The following DENND2D variants were observed in gnomAD, a reference collection of about 807,000 sequenced individuals.
DENND2D encodes the protein DENN domain-containing protein 2D.
A neutral mutation model predicts 59.8 loss-of-function variants in DENND2D; 37 were observed. The ratio of observed to expected loss-of-function variants is 0.62; its 90% CI spans 0.48 to 0.81. The LOEUF (loss-of-function observed/expected upper bound fraction) is 0.81. Ranked by LOEUF, DENND2D falls within the 40% of genes least tolerant of loss-of-function variation. The pLI, the probability that DENND2D is intolerant of heterozygous loss-of-function variation, is 0.00. For synonymous variants in DENND2D, 219 were observed against 211.3 expected (o/e 1.04, Z -0.31); for missense variants, 525 against 579.7 (o/e 0.91, Z 0.97).
intron 2 of DENND2D, 104 bp from the exon 3 acceptor site, chr1:111,198,846 AG>A (rs1658514829): frequency 8.6e-7 from 1 of 1,162,188 alleles, no homozygotes. Context: ...AAAGCAGTCT[AG>A]GGTTAAGCTT....
upstream of DENND2D, chr1:111,204,394 G>A: frequency 7.4e-7 from 1 of 1,356,822 alleles, no homozygotes; most frequent in Non-Finnish European, 9.4e-7. Context: ...GCTCCGCGCT[G>A]GCCCCGCCCC....
intron 3 of DENND2D, 41 bp downstream of exon 3, chr1:111,198,589 C>T: frequency 6.3e-7 from 1 of 1,594,736 alleles, no homozygotes; most frequent in Non-Finnish European, 8.6e-7. Context: ...CATGTTCCTT[C>T]TCCCCAAATC....
chr1:111,198,019 TA>T (rs755709436), intron 3 of DENND2D, 30 bp from the exon 4 acceptor site: 2 of 1,607,374 alleles, frequency 1.2e-6, no homozygotes, highest in East Asian at 4.5e-5. Context: ...GCTTGATTTG[TA>T]TTGCTCACTG....
At position 111,197,997 on chromosome 1, in the gene DENND2D, A is replaced by G; in HGVS notation, c.357-8T>C. On this transcript the variant is annotated splice_region_variant and splice_polypyrimidine_tract_variant and intron_variant, in intron 3 of 11. Transcript: ENST00000357640. ...ACGAAGGAGAAGGTCTCCCTAAGAA[A>G]GAGCAGACAAGGCTTGATTTGTATT... 1 of 1,613,688 alleles carries G rather than the reference A, an allele frequency of 6.2e-7. No homozygotes were observed. The highest frequency in any genetic ancestry group is 8.5e-7 in the Non-Finnish European group (1 of 1,179,722).
At chr1:111,190,344 C>T (rs1186478590) in intron 8 of DENND2D, among the ~76,000 whole-genome samples, 1 of 152,130 alleles carries the variant, frequency 6.6e-6, no homozygotes, top group Non-Finnish European at 1.5e-5. Context: ...TGAGTTTTAG[C>T]ACTGGCCCCA....
rs949986865 is a variant in DENND2D at position 111,198,322 on chromosome 1, C to T, written c.356+308G>A. Among the ~76,000 whole-genome samples the T allele has an allele frequency of 2.6e-5, 4 of 152,184 alleles. No homozygotes were observed. The East Asian group carries it at 5.8e-4, about 22-fold the overall frequency. On this transcript the variant is annotated intron_variant, in intron 3 of 11. Coordinates refer to ENST00000357640, the MANE Select transcript of DENND2D (RefSeq NM_024901.5). ...CATGCTAGAAGGGCCTTTGCTACGT[C>T]GCCTTCTTGGAGGCTAACTGCTTTC...
intron 8 of DENND2D, among the ~76,000 whole-genome samples, chr1:111,191,842 C>A (rs1054397506): frequency 6.6e-6 from 1 of 152,204 alleles, no homozygotes; most frequent in Non-Finnish European, 1.5e-5. Context: ...ACAGTCTGCT[C>A]ACCCCTGAAT....
intron 7 of DENND2D, among the ~76,000 whole-genome samples, chr1:111,193,245 C>T (rs1280672336): frequency 4.6e-5 from 7 of 152,196 alleles, no homozygotes; most frequent in African/African-American, 1.7e-4. Flanking sequence ...CTCTGAGAGG[C>T]TAGCTGACTG....
intron 6 of DENND2D, chr1:111,195,408 T>G (rs972508370): frequency 1.3e-5 from 2 of 158,204 alleles, no homozygotes; most frequent in Admixed American, 1.2e-4. Context: ...CACAGACTAT[T>G]CAGAGTTCCA....
chr1:111,192,236 A>G lies in DENND2D; in HGVS notation c.876T>C (p.Pro292=). ...AGCAGACGGTGGCCAGAAGGCTCTC[A>G]GGGACAACAGGGATGTAGGTGTGCG... ...SWAHTYIPVV[P]ESLLATVCCP... Residue 292 remains proline (P), a synonymous_variant, in exon 8 of 12, where the codon CCT becomes CCC. Transcript: ENST00000357640. 1 of 1,614,014 alleles carries G rather than the reference A, an allele frequency of 6.2e-7. No homozygotes were observed. The highest frequency in any genetic ancestry group is 8.5e-7 in the Non-Finnish European group (1 of 1,179,960).
At chr1:111,198,817 G>T (rs1172439054) in intron 2 of DENND2D, 75 bp from the exon 3 acceptor site, 1 of 1,513,336 alleles carries the variant, frequency 6.6e-7, no homozygotes, top group Admixed American at 1.8e-5. Flanking sequence ...CAGAGCTGGT[G>T]GGCTTCCTTT....
Position 111,192,177 on chromosome 1 carries a change from C to T in DENND2D, c.935G>A (p.Arg312His), listed in dbSNP as rs764772273. Residue 312 changes from arginine (R) to histidine (H), a missense_variant, in exon 8 of 12, where the codon CGC becomes CAC. By Grantham distance (29) the Arg-to-His change is conservative (BLOSUM62 0). Around this residue, in one of 3 missense-constraint regions of DENND2D, gnomAD observed 225 missense variants for 252.4 expected, o/e 0.89. Coordinates refer to ENST00000357640, the MANE Select transcript of DENND2D (RefSeq NM_024901.5). ...PTPFMVGVQM[R>H]FQQEVMDSPM... is the part of the protein sequence containing the mutation. ...GCTGTCCATGACCTCCTGCTGGAAG[C>T]GCATTTGTACTCCAACCATGAAGGG... 3.7e-6 allele frequency: 6 copies of T among 1,612,464 alleles called. No homozygotes were observed. The highest frequency in any genetic ancestry group is 2.2e-5 in the South Asian group (2 of 90,840).
intron 8 of DENND2D, among the ~76,000 whole-genome samples, chr1:111,189,794 C>T (rs777664502): frequency 6.6e-6 from 1 of 152,210 alleles, no homozygotes; most frequent in African/African-American, 2.4e-5. Flanking sequence ...TCCCCTTCAA[C>T]TCCCTGCTCT....
At chr1:111,189,746 G>C (rs1026072748) in intron 8 of DENND2D, among the ~76,000 whole-genome samples, 2 of 152,172 alleles carry the variant, frequency 1.3e-5, no homozygotes, top group African/African-American at 4.8e-5. Flanking sequence ...TCCAAGCCTA[G>C]ACTGATATTC....
chr1:111,200,540 G>A lies in DENND2D; in HGVS notation c.-81C>T. On this transcript the variant is annotated 5_prime_UTR_variant, in exon 1 of 12. Transcript: ENST00000357640. ...TGACAGTAAGCCTGAGAAAGGGGCT[G>A]CTTCGGTCTCCAGCCACAACTCTGT... 6.5e-7 allele frequency: 1 copy of A among 1,537,782 alleles called. No individual in the cohort carries two copies.
At position 111,187,498 on chromosome 1, in the gene DENND2D, A is replaced by G; in HGVS notation, c.*107T>C. The G allele has an allele frequency of 1.2e-6, 1 of 834,114 alleles. No homozygotes were observed. The highest frequency in any genetic ancestry group is 1.7e-5 in the African/African-American group (1 of 59,396). 51.7% of individuals were successfully genotyped at this position (834,114 alleles called of 1,614,324 possible). ...TACCTGGATACCAAGACTCAGAGTG[A>G]GGATATGGATTTTGGGAGCTGACAG... On this transcript the variant is annotated 3_prime_UTR_variant, in exon 12 of 12. Coordinates refer to ENST00000357640, the MANE Select transcript of DENND2D (RefSeq NM_024901.5).
chr1:111,202,299 T>C (rs879770920), upstream of DENND2D: 3 of 152,210 alleles, frequency 2.0e-5, no homozygotes, highest in Non-Finnish European at 4.4e-5. Context: ...AATTAGACTT[T>C]TGGGATGAGG....
In DENND2D at chr1:111,196,051, C is replaced by G; in HGVS notation, c.510G>C (p.Leu170=). ...TCTGATGTCTCTTCTCCACTTCATCCAGGATCTGCAGGGAAAAGAACCACG... is the reference window on the plus strand; with the variant it reads ...TCTGATGTCTCTTCTCCACTTCATCGAGGATCTGCAGGGAAAAGAACCACG... ...IGCFGLFSKI[L]DEVEKRHQIS... The change falls in exon 6 of 12, where the codon CTG becomes CTC. Residue 170 remains leucine (L), a synonymous_variant. Coordinates refer to ENST00000357640, the MANE Select transcript of DENND2D (RefSeq NM_024901.5). 6 of 1,606,734 alleles carry G rather than the reference C, an allele frequency of 3.7e-6. No individual in the cohort carries two copies. The South Asian group carries it at 6.6e-5, about 18-fold the overall frequency.
chr1:111,196,404 A>T (rs865851884), intron 5 of DENND2D: 2 of 183,606 alleles, frequency 1.1e-5, no homozygotes, highest in South Asian at 2.1e-4. Flanking sequence ...TACCATGTCC[A>T]CTCATGCTGG....
Sources: allele counts gnomAD v4.1 joint callset (sites outside exome capture counted in the v4.1 genomes callset), GRCh38; gene constraint gnomAD v4.1.1; regional missense constraint gnomAD v4.1.1; transcripts MANE v1.5; gene names NCBI Gene and HGNC (gene_info 2026-07-23, HGNC 2026-07-21).